The following QRICH1 variants were observed in gnomAD, a reference collection of about 807,000 sequenced individuals.
QRICH1 encodes transcriptional regulator QRICH1.
A neutral mutation model predicts 87.1 loss-of-function variants in QRICH1; 16 were observed. The observed-to-expected ratio is 0.18, with a 90% CI of 0.12 to 0.28. The LOEUF (loss-of-function observed/expected upper bound fraction) is 0.28. Ranked by LOEUF, QRICH1 falls within the 10% of genes least tolerant of loss-of-function variation. The probability of loss-of-function intolerance (pLI) is 1.00; values close to 1 mark genes in which losing one functional copy is unlikely to be tolerated. For synonymous variants in QRICH1, 367 were observed against 368.4 expected, an observed-to-expected ratio of 1.00 and a Z score of 0.05; for missense variants, 647 against 951.7, an observed-to-expected ratio of 0.68 and a Z score of 4.21.
chr3:49,064,697 A>G (rs1269392987), intron 2 of QRICH1, among the ~76,000 whole-genome samples: 1 of 152,110 alleles, frequency 6.6e-6, no homozygotes, highest in Non-Finnish European at 1.5e-5. Context: ...AACCCCGTCT[A>G]TACTAAAACA....
At chr3:49,035,780 C>A (rs529577686) in intron 6 of QRICH1, among the ~76,000 whole-genome samples, 1 of 152,038 alleles carries the variant, frequency 6.6e-6, no homozygotes, top group African/African-American at 2.4e-5. Context: ...AAAGCAAGAC[C>A]CTGTAAGAAA....
rs747711277 is a variant in QRICH1 at position 49,030,470 on chromosome 3, A to G, written c.2313T>C (p.Asn771=). The G allele has an allele frequency of 2.5e-5, 40 of 1,613,316 alleles. No individual in the cohort carries two copies. Among genetic ancestry groups the G allele is most frequent in the Non-Finnish European group, 3.1e-5 (37 of 1,180,024 alleles). ...AGGCATCTCAGTGCATAGTGCTTGCATTGGCCACTGCGATGGCCTCCTGAA... is the reference window on the plus strand; with the variant it reads ...AGGCATCTCAGTGCATAGTGCTTGCGTTGGCCACTGCGATGGCCTCCTGAA... ...REIQEAIAVA[N]ASTMH is the part of the protein sequence containing the mutation. Residue 771 remains asparagine (N), a synonymous_variant, in exon 10 of 10, where the codon AAT becomes AAC. Coordinates refer to ENST00000395443, the MANE Select transcript of QRICH1 (RefSeq NM_198880.3).
upstream of QRICH1, chr3:49,094,191 G>C: frequency 2.6e-6 from 1 of 391,542 alleles, no homozygotes; most frequent in East Asian, 3.6e-5. Context: ...GCTTCTGGCC[G>C]CTAGAGCGGA....
At chr3:49,079,322 T>G (rs537252250) in intron 1 of QRICH1, among the ~76,000 whole-genome samples, 36 of 151,824 alleles carry the variant, frequency 2.4e-4, no homozygotes, top group Admixed American at 2.1e-3. Flanking sequence ...CTCAGGAGGC[T>G]GAGGTGGAGG....
chr3:49,056,846 A>ATC lies in QRICH1; in HGVS notation c.1338+15_1338+16insGA. The ATC allele has an allele frequency of 6.2e-7, 1 of 1,614,134 alleles. No individual in the cohort carries two copies. Among genetic ancestry groups the ATC allele is most frequent in the Admixed American group, 1.7e-5 (1 of 60,012 alleles). ...AGGGACCAGGCTGCCTGCCCTACTG[A>ATC]TAAGTCTTCACTTACTGAACAAGTA... On this transcript the variant is annotated intron_variant, in intron 3 of 9. Coordinates refer to ENST00000395443, the MANE Select transcript of QRICH1 (RefSeq NM_198880.3).
chr3:49,042,882 TA>T (rs2093318665), intron 6 of QRICH1, among the ~76,000 whole-genome samples: 1 of 152,034 alleles, frequency 6.6e-6, no homozygotes, highest in Non-Finnish European at 1.5e-5. Context: ...CCAGAAGAGG[TA>T]TTTTTTAGGG....
chr3:49,058,146 C>CAAAAA, intron 2 of QRICH1: 1 of 486,766 alleles, frequency 2.1e-6, no homozygotes. Context: ...AAGGAAATAC[C>CAAAAA]AAAAAAAAAA....
chr3:49,059,448 A>C (rs2093422340), intron 2 of QRICH1, among the ~76,000 whole-genome samples: 1 of 145,778 alleles, frequency 6.9e-6, no homozygotes, highest in East Asian at 2.0e-4. Flanking sequence ...TTTTAGACAG[A>C]GTCTCGCTGT....
intron 1 of QRICH1, among the ~76,000 whole-genome samples, chr3:49,078,411 T>C (rs1027026370): frequency 6.9e-6 from 1 of 144,182 alleles, no homozygotes; most frequent in African/African-American, 2.6e-5. Context: ...TTTTTTTTTT[T>C]TGAGATGGAG....
chr3:49,082,367 A>AT (rs2042078536), intron 1 of QRICH1, among the ~76,000 whole-genome samples: 1 of 152,236 alleles, frequency 6.6e-6, no homozygotes, highest in Admixed American at 6.6e-5. Context: ...TTCCAAAGAT[A>AT]TGATTAAAAC....
At chr3:49,066,383 A>G (rs1435712238) in intron 2 of QRICH1, among the ~76,000 whole-genome samples, 1 of 152,166 alleles carries the variant, frequency 6.6e-6, no homozygotes, top group African/African-American at 2.4e-5. Context: ...TTAAAACAAA[A>G]TGTCAAAAAT....
chr3:49,091,844 G>A (rs1336402077), intron 1 of QRICH1, among the ~76,000 whole-genome samples: 1 of 152,138 alleles, frequency 6.6e-6, no homozygotes, highest in Non-Finnish European at 1.5e-5. Flanking sequence ...GGCCGAGGGC[G>A]GGTGGATCAC....
chr3:49,033,998 A>C (rs1392593130), intron 6 of QRICH1, among the ~76,000 whole-genome samples: 1 of 151,786 alleles, frequency 6.6e-6, no homozygotes, highest in East Asian at 1.9e-4. Context: ...AAAAACAAAA[A>C]AACAAAAAAA....
intron 1 of QRICH1, among the ~76,000 whole-genome samples, chr3:49,089,203 G>A (rs1047715774): frequency 6.6e-6 from 1 of 151,868 alleles, no homozygotes; most frequent in Non-Finnish European, 1.5e-5. Context: ...GGGATTACAG[G>A]CGCCCATCAC....
At chr3:49,069,539 G>C (rs2093488799) in intron 2 of QRICH1, among the ~76,000 whole-genome samples, 1 of 136,012 alleles carries the variant, frequency 7.4e-6, no homozygotes, top group Admixed American at 8.8e-5. Context: ...ATCCATGGGG[G>C]GGAATTTTTT....
intron 3 of QRICH1, among the ~76,000 whole-genome samples, chr3:49,048,177 T>C (rs1379776778): frequency 1.3e-5 from 2 of 151,148 alleles, no homozygotes; most frequent in Non-Finnish European, 3.0e-5. Flanking sequence ...TGTTCTTGGA[T>C]GCTGGAGTGC....
chr3:49,052,140 G>T (rs2093374513), intron 3 of QRICH1, among the ~76,000 whole-genome samples: 1 of 152,112 alleles, frequency 6.6e-6, no homozygotes, highest in Non-Finnish European at 1.5e-5. Context: ...TGGTGGCAGT[G>T]GAGATGATAT....
chr3:49,052,640 C>T (rs747218102), intron 3 of QRICH1, among the ~76,000 whole-genome samples: 1 of 152,098 alleles, frequency 6.6e-6, no homozygotes, highest in Non-Finnish European at 1.5e-5. Context: ...AGGTAGCTGG[C>T]GCCCACCACC....
chr3:49,060,492 C>T (rs1235483446), intron 2 of QRICH1, among the ~76,000 whole-genome samples: 1 of 152,042 alleles, frequency 6.6e-6, no homozygotes, highest in East Asian at 1.9e-4. Context: ...CACACCCAGC[C>T]CTAATTTTTG....
Sources: gnomAD v4.1 joint callset for allele counts (sites outside exome capture counted in the v4.1 genomes callset) on GRCh38, gnomAD v4.1.1 for gene constraint, MANE v1.5 for transcripts, NCBI Gene and HGNC (gene_info 2026-07-23, HGNC 2026-07-21) for gene names.